The following DAPK2 variants were observed in gnomAD, a reference collection of about 807,000 sequenced individuals.
DAPK2 encodes the protein death-associated protein kinase 2.
DAPK2 carries 35 observed loss-of-function variants against 44.1 expected under a neutral mutation model. The observed-to-expected ratio is 0.79, with a 90% confidence interval of 0.61 to 1.05. DAPK2 has a LOEUF of 1.05. Among genes scored for constraint, DAPK2 ranks in the 50% least tolerant of loss-of-function variants. The probability of loss-of-function intolerance (pLI) is 0.00; values close to 1 mark genes in which losing one functional copy is unlikely to be tolerated. For synonymous variants in DAPK2, 174 were observed against 182.6 expected (o/e 0.95, Z 0.38); for missense variants, 453 against 483.2 (o/e 0.94, Z 0.59).
intron 1 of DAPK2, among the ~76,000 whole-genome samples, chr15:64,011,999 C>A (rs925745293): frequency 6.6e-6 from 1 of 152,188 alleles, no homozygotes; most frequent in Admixed American, 6.5e-5. Flanking sequence ...TTTCCAGCCC[C>A]CCAGCCTTGA....
intron 3 of DAPK2, among the ~76,000 whole-genome samples, chr15:63,962,090 T>C (rs2077918365): frequency 6.6e-6 from 1 of 152,234 alleles, no homozygotes; most frequent in South Asian, 2.1e-4. Flanking sequence ...ATTTCATTCA[T>C]TTGATCTTCA....
chr15:63,993,806 T>A (rs1208716178), intron 1 of DAPK2, among the ~76,000 whole-genome samples: 3 of 152,184 alleles, frequency 2.0e-5, no homozygotes, highest in African/African-American at 7.2e-5. Context: ...CAGGTCCTCA[T>A]GCCAATCCCT....
chr15:63,985,972 C>T (rs967242885), intron 1 of DAPK2, among the ~76,000 whole-genome samples: 1 of 152,226 alleles, frequency 6.6e-6, no homozygotes, highest in African/African-American at 2.4e-5. Context: ...ATCTTTCCCT[C>T]CCCAAAAGGA....
rs1035487880 is a variant in DAPK2 at position 63,912,592 on chromosome 15, C to T, written c.859-395G>A. Among the ~76,000 whole-genome samples the T allele has an allele frequency of 2.6e-5, 4 of 152,092 alleles. No homozygotes were observed. Among genetic ancestry groups the T allele is most frequent in the African/African-American group, 4.8e-5 (2 of 41,406 alleles). ...GCAAAACAAATGCCTTGTTGGTAGA[C>T]GGGGAATTCATACTCCATTAAAAAA... On this transcript the variant is annotated intron_variant, in intron 8 of 10. Coordinates refer to ENST00000261891, the Ensembl canonical transcript of DAPK2. This position sits in a 1 kb window ranked among gnomAD's most constrained non-coding sequence, Gnocchi z 4.4.
chr15:64,011,430 G>A (rs1032599069), intron 1 of DAPK2, among the ~76,000 whole-genome samples: 1 of 152,038 alleles, frequency 6.6e-6, no homozygotes, highest in African/African-American at 2.4e-5. Context: ...GCATGGTGGC[G>A]GGCACCTGTA....
At chr15:63,960,755 C>T (rs956958992) in intron 3 of DAPK2, among the ~76,000 whole-genome samples, 1 of 152,108 alleles carries the variant, frequency 6.6e-6, no homozygotes, top group African/African-American at 2.4e-5. Flanking sequence ...CTGAGGAGTG[C>T]TTTACTTCAA....
At chr15:63,942,225 C>T (rs2077328550) in intron 3 of DAPK2, 2 of 985,376 alleles carry the variant, frequency 2.0e-6, no homozygotes, top group African/African-American at 3.5e-5. Flanking sequence ...GCACACAGTC[C>T]AGGAGAGATG....
chr15:63,952,133 AG>A, intron 3 of DAPK2, among the ~76,000 whole-genome samples: 1 of 152,146 alleles, frequency 6.6e-6, no homozygotes, highest in African/African-American at 2.4e-5. Context: ...CCAACTACTC[AG>A]GAGGCGGAGG....
At chr15:64,011,868 T>C (rs924753351) in intron 1 of DAPK2, among the ~76,000 whole-genome samples, 7 of 152,190 alleles carry the variant, frequency 4.6e-5, no homozygotes, top group Non-Finnish European at 8.8e-5. Flanking sequence ...TTGCACATGC[T>C]TTACTCTAAG....
rs1228817055 is a variant in DAPK2 at position 64,046,008 on chromosome 15, T to C, written c.-7+290A>G. ...GGGGGCCTAACTCGATGGACGTCTGTCTCCCATCTCCCTGCTGGGTGCTTG... is the reference window on the plus strand; with the variant it reads ...GGGGGCCTAACTCGATGGACGTCTGCCTCCCATCTCCCTGCTGGGTGCTTG... On this transcript the variant is annotated intron_variant, in intron 1 of 11. Transcript: ENST00000457488. This position sits in a 1 kb window ranked among gnomAD's most constrained non-coding sequence, Gnocchi z 5.3. Among the ~76,000 whole-genome samples the C allele has an allele frequency of 6.6e-6, 1 of 152,174 alleles. No individual in the cohort carries two copies. The highest frequency in any genetic ancestry group is 1.9e-4 in the East Asian group (1 of 5,184).
chr15:63,935,876 T>A (rs1188837386), intron 4 of DAPK2: 1 of 152,202 alleles, frequency 6.6e-6, no homozygotes, highest in Non-Finnish European at 1.5e-5. Context: ...TCTTCAACTC[T>A]CTCCTTAGCT....
chr15:63,979,397 T>G (rs1004890376), intron 2 of DAPK2, among the ~76,000 whole-genome samples: 1 of 152,126 alleles, frequency 6.6e-6, no homozygotes, highest in African/African-American at 2.4e-5. Flanking sequence ...GCTGGCCACT[T>G]GAGCAGAAAG....
At chr15:64,040,097 A>G (rs201977296) in intron 1 of DAPK2, 73 bp downstream of exon 2, 4 of 1,239,444 alleles carry the variant, frequency 3.2e-6, no homozygotes, top group South Asian at 1.2e-5. Context: ...TCCAACACCA[A>G]CTGACAACTG....
At chr15:63,994,092 C>T (rs1463547470) in intron 1 of DAPK2, among the ~76,000 whole-genome samples, 1 of 152,126 alleles carries the variant, frequency 6.6e-6, no homozygotes, top group Non-Finnish European at 1.5e-5. Flanking sequence ...TCTCCAAACA[C>T]CACAAAAGTA....
chr15:64,036,008 G>T (rs1428228048), intron 1 of DAPK2, among the ~76,000 whole-genome samples: 1 of 152,050 alleles, frequency 6.6e-6, no homozygotes, highest in Non-Finnish European at 1.5e-5. Context: ...GCAAGAAGTA[G>T]AGTTAAAGGT....
In DAPK2 at chr15:63,917,940, C is replaced by T. The variant is rs1011964082; in HGVS notation, c.859-5743G>A. Reference sequence around the variant, plus strand: ...CTAGTTGGCTGGGTCCCCATCTGCCCCAGACACTGAATCTTTTATTTGAGG... The same window carrying T: ...CTAGTTGGCTGGGTCCCCATCTGCCTCAGACACTGAATCTTTTATTTGAGG... On this transcript the variant is annotated intron_variant, in intron 8 of 10. Transcript: ENST00000261891. This position sits in a 1 kb window ranked among gnomAD's most constrained non-coding sequence, Gnocchi z 4.4. 1.1e-4 allele frequency: 17 copies of T among 152,154 alleles called. No homozygotes were observed. The highest frequency in any genetic ancestry group is 1.5e-4 in the Non-Finnish European group (10 of 68,030). 9.4% of individuals were successfully genotyped at this position (152,154 alleles called of 1,614,324 possible).
intron 1 of DAPK2, among the ~76,000 whole-genome samples, chr15:64,022,764 A>G (rs1364844104): frequency 1.3e-5 from 2 of 152,178 alleles, no homozygotes; most frequent in African/African-American, 4.8e-5. Context: ...GGTTGCAGTG[A>G]GCCAAGATCA....
chr15:64,008,254 C>T (rs2141006303), intron 1 of DAPK2, among the ~76,000 whole-genome samples: 1 of 152,248 alleles, frequency 6.6e-6, no homozygotes, highest in Non-Finnish European at 1.5e-5. Context: ...CATGCTTTCA[C>T]CAGGTGATAT....
At chr15:63,943,483 A>C (rs968874721) in intron 3 of DAPK2, among the ~76,000 whole-genome samples, 9 of 152,194 alleles carry the variant, frequency 5.9e-5, no homozygotes, top group African/African-American at 2.2e-4. Flanking sequence ...ATCCCTCATT[A>C]GGAACTTTAA....
Sources: gnomAD v4.1 joint callset for allele counts (sites outside exome capture counted in the v4.1 genomes callset) on GRCh38, gnomAD v4.1.1 for gene constraint, Gnocchi (gnomAD v3.1) non-coding constraint, MANE v1.5 for transcripts, NCBI Gene and HGNC (gene_info 2026-07-23, HGNC 2026-07-21) for gene names.